GABRB2: variants seen among roughly 807,000 people sequenced by gnomAD.
GABRB2 encodes the protein gamma-aminobutyric acid receptor subunit beta-2.
A neutral mutation model predicts 54.7 loss-of-function variants in GABRB2; 16 were observed. The observed-to-expected ratio is 0.29, with a 90% CI of 0.20 to 0.44. The LOEUF is 0.44. Among genes scored for constraint, GABRB2 ranks in the 20% least tolerant of loss-of-function variants. GABRB2 has a pLI of 1.00. For missense variants in GABRB2, 355 were observed against 644.0 expected (o/e 0.55, Z 4.86); for synonymous variants, 244 against 233.8 (o/e 1.04, Z -0.40).
intron 9 of GABRB2, among the ~76,000 whole-genome samples, chr5:161,319,348 G>T (rs1032996218): frequency 6.7e-6 from 1 of 148,176 alleles, no homozygotes. Flanking sequence ...TTAAATTTTT[G>T]TTAATTTTTC....
intron 3 of GABRB2, among the ~76,000 whole-genome samples, chr5:161,529,290 G>A (rs756154405): frequency 2.6e-5 from 4 of 152,008 alleles, no homozygotes; most frequent in South Asian, 2.1e-4. Flanking sequence ...CTATTTGTTC[G>A]ATTTATGTGG....
intron 3 of GABRB2, among the ~76,000 whole-genome samples, chr5:161,464,871 G>A (rs546172493): frequency 3.3e-5 from 5 of 152,084 alleles, no homozygotes; most frequent in Admixed American, 1.3e-4. Context: ...ACAGATGAAC[G>A]GTCCCCTGGG....
intron 4 of GABRB2, among the ~76,000 whole-genome samples, chr5:161,454,305 T>C (rs1757883893): frequency 6.6e-6 from 1 of 152,208 alleles, no homozygotes; most frequent in Admixed American, 6.5e-5. Flanking sequence ...TCACTTGTGA[T>C]CTCAAACTGA....
At chr5:161,532,598 G>A (rs1349299795) in intron 3 of GABRB2, among the ~76,000 whole-genome samples, 1 of 151,982 alleles carries the variant, frequency 6.6e-6, no homozygotes, top group African/African-American at 2.4e-5. Context: ...CTCTACCTGA[G>A]GGTTACACCC....
At position 161,327,015 on chromosome 5, in the gene GABRB2, A is replaced by C. The variant is rs551100577; in HGVS notation, c.1078-534T>G. 149 of 973,284 alleles carry C rather than the reference A, an allele frequency of 1.5e-4. No individual in the cohort carries two copies. In the African/African-American group the frequency reaches 2.5e-3, roughly 16 times the overall value. The allele number at this position is 973,284 out of a possible 1,614,324, so 60.3% of individuals were successfully genotyped here. A position where few individuals can be genotyped will look rare whatever the true frequency, so the allele number is the denominator to read the frequency against. ...AGCTACGGGCAAGAACAGTGGGTGAAATCAATCAAAAGCAAATTCCATTAG... is the reference window on the plus strand; with the variant it reads ...AGCTACGGGCAAGAACAGTGGGTGACATCAATCAAAAGCAAATTCCATTAG... On this transcript the variant is annotated intron_variant, in intron 8 of 9. Coordinates refer to ENST00000393959, the MANE Select transcript of GABRB2 (RefSeq NM_001371727.1).
chr5:161,493,563 T>C (rs1759139786), intron 3 of GABRB2, among the ~76,000 whole-genome samples: 1 of 151,778 alleles, frequency 6.6e-6, no homozygotes, highest in Admixed American at 6.6e-5. Context: ...AAAATTCTCA[T>C]TGAAATTTTG....
At chr5:161,321,721 G>A (rs1022122300) in intron 9 of GABRB2, among the ~76,000 whole-genome samples, 2 of 151,988 alleles carry the variant, frequency 1.3e-5, no homozygotes, top group African/African-American at 4.8e-5. Flanking sequence ...AATATGCTGT[G>A]GAGTATACTG....
chr5:161,482,504 G>A (rs778026099), intron 3 of GABRB2, among the ~76,000 whole-genome samples: 1 of 152,074 alleles, frequency 6.6e-6, no homozygotes, highest in Non-Finnish European at 1.5e-5. Flanking sequence ...TGTTAATACT[G>A]TAGCTCCCTT....
intron 7 of GABRB2, among the ~76,000 whole-genome samples, chr5:161,334,519 T>G (rs768891291): frequency 3.6e-4 from 55 of 152,208 alleles, no homozygotes; most frequent in Non-Finnish European, 1.0e-4. Context: ...GGGACTAATC[T>G]CATTATCAAC....
chr5:161,471,604 T>C (rs1758440645), intron 3 of GABRB2, among the ~76,000 whole-genome samples: 1 of 152,020 alleles, frequency 6.6e-6, no homozygotes. Flanking sequence ...TTTTCCACTA[T>C]GTTGCTTAGT....
Position 161,462,135 on chromosome 5 carries a change from C to T in GABRB2, c.238-2291G>A, listed in dbSNP as rs192297106. Among the ~76,000 whole-genome samples the T allele has an allele frequency of 5.5e-4, 84 of 152,288 alleles. 1 individual carries two copies. The East Asian group carries it at 0.011, about 20-fold the overall frequency. ...ACCCTCCAATTTTACAATCAAACTTCTATCCTATCAAAAGACATATTAATA... is the reference window on the plus strand; with the variant it reads ...ACCCTCCAATTTTACAATCAAACTTTTATCCTATCAAAAGACATATTAATA... On this transcript the variant is annotated intron_variant, in intron 3 of 9. Transcript: ENST00000393959.
chr5:161,332,184 A>AT (rs1285663128), intron 7 of GABRB2, among the ~76,000 whole-genome samples: 1 of 151,708 alleles, frequency 6.6e-6, no homozygotes, highest in East Asian at 1.9e-4. Flanking sequence ...AAAAAAAAAA[A>AT]AAGAATGCCA....
At chr5:161,525,111 A>T (rs1760236340) in intron 3 of GABRB2, among the ~76,000 whole-genome samples, 1 of 151,334 alleles carries the variant, frequency 6.6e-6, no homozygotes, top group African/African-American at 2.4e-5. Flanking sequence ...TAGCTACTCA[A>T]TTCTGTGTTG....
At chr5:161,435,316 C>A (rs1280429917) in intron 4 of GABRB2, among the ~76,000 whole-genome samples, 2 of 151,912 alleles carry the variant, frequency 1.3e-5, no homozygotes, top group African/African-American at 4.8e-5. Context: ...GATTATGTAG[C>A]CTTCAAGATA....
intron 9 of GABRB2, among the ~76,000 whole-genome samples, chr5:161,297,263 A>G (rs1362105939): frequency 6.6e-6 from 1 of 152,124 alleles, no homozygotes; most frequent in African/African-American, 2.4e-5. Context: ...GAATACTTCA[A>G]CTTAAAATAG....
chr5:161,419,769 G>A (rs1018894989), intron 4 of GABRB2, among the ~76,000 whole-genome samples: 13 of 152,140 alleles, frequency 8.5e-5, no homozygotes, highest in Admixed American at 6.5e-4. Flanking sequence ...GTGTACACAT[G>A]TACCTACAAA....
intron 9 of GABRB2, among the ~76,000 whole-genome samples, chr5:161,318,860 CAA>C (rs1758123177): frequency 6.6e-6 from 1 of 151,774 alleles, no homozygotes; most frequent in Non-Finnish European, 1.5e-5. Flanking sequence ...TAAAAAAACA[CAA>C]AGTTTTCTTT....
intron 3 of GABRB2, among the ~76,000 whole-genome samples, chr5:161,539,939 G>T (rs1276706313): frequency 6.6e-6 from 1 of 152,170 alleles, no homozygotes; most frequent in East Asian, 1.9e-4. Context: ...GAGCCTTCAC[G>T]GAGTAGTAAT....
At chr5:161,403,746 G>A (rs999992648) in intron 5 of GABRB2, among the ~76,000 whole-genome samples, 6 of 151,990 alleles carry the variant, frequency 3.9e-5, no homozygotes, top group African/African-American at 1.4e-4. Context: ...AACTGAAAAC[G>A]TGACTGCCAA....
Sources: allele counts gnomAD v4.1 joint callset (sites outside exome capture counted in the v4.1 genomes callset), GRCh38; gene constraint gnomAD v4.1.1; transcripts MANE v1.5; gene names NCBI Gene and HGNC (gene_info 2026-07-23, HGNC 2026-07-21).